The following AGMO variants were observed in gnomAD, a reference collection of about 807,000 sequenced individuals.
AGMO encodes the protein glyceryl-ether monooxygenase.
In AGMO, 75 loss-of-function variants were observed where a neutral mutation model predicts 60.2. The ratio of observed to expected loss-of-function variants is 1.25; its 90% CI spans 1.03 to 1.51. The LOEUF (loss-of-function observed/expected upper bound fraction) is 1.51, where lower values mean the gene tolerates loss of function less well. Ranked by LOEUF, AGMO falls within the 40% of genes most tolerant of loss-of-function variation. The pLI is 0.00. For missense variants in AGMO, 763 were observed against 525.5 expected (o/e 1.45, Z -4.42); for synonymous variants, 261 against 177.1 (o/e 1.47, Z -3.76).
chr7:15,305,678 A>G (rs1780593966), intron 12 of AGMO, among the ~76,000 whole-genome samples: 1 of 151,968 alleles, frequency 6.6e-6, no homozygotes, highest in African/African-American at 2.4e-5. Context: ...GAAGATCTGG[A>G]TTTTACTGTA....
At chr7:15,132,729 G>A in the AGMO span, among the ~76,000 whole-genome samples, 20 of 152,166 alleles carry the variant, frequency 1.3e-4, no homozygotes, top group Non-Finnish European at 1.5e-5. Context: ...TCAAGGCAGT[G>A]AAGACTGTAC....
At chr7:15,412,678 A>G (rs1780647183) in intron 5 of AGMO, among the ~76,000 whole-genome samples, 1 of 142,066 alleles carries the variant, frequency 7.0e-6, no homozygotes, top group African/African-American at 2.7e-5. Flanking sequence ...CCAGCATTTC[A>G]TTATTTAAAA....
intron 12 of AGMO, among the ~76,000 whole-genome samples, chr7:15,253,764 C>T (rs139351260): frequency 3.9e-5 from 6 of 152,258 alleles, no homozygotes; most frequent in African/African-American, 9.6e-5. Flanking sequence ...GCTATAGTCA[C>T]CCTACTGTGC....
intron 2 of AGMO, among the ~76,000 whole-genome samples, chr7:15,552,295 G>A (rs1376131502): frequency 2.0e-5 from 3 of 152,154 alleles, no homozygotes; most frequent in Admixed American, 6.5e-5. Context: ...AAAAGCATTG[G>A]CAACAAAAGC....
At chr7:15,452,722 C>G (rs1781887748) in intron 3 of AGMO, among the ~76,000 whole-genome samples, 1 of 152,108 alleles carries the variant, frequency 6.6e-6, no homozygotes, top group African/African-American at 2.4e-5. Context: ...TGCAATTCTG[C>G]TTTTAGGTAT....
chr7:15,448,865 C>G (rs193212541), intron 3 of AGMO, among the ~76,000 whole-genome samples: 270 of 151,762 alleles, frequency 1.8e-3, no homozygotes, highest in Non-Finnish European at 3.5e-3. Flanking sequence ...TGGGCAGGTA[C>G]CTGAGATTAT....
At chr7:15,280,786 C>T (rs972759817) in intron 12 of AGMO, among the ~76,000 whole-genome samples, 5 of 152,292 alleles carry the variant, frequency 3.3e-5, no homozygotes, top group Admixed American at 6.5e-5. Context: ...TGGCTAAATA[C>T]GTGGTCCTGA....
chr7:15,513,279 C>T (rs898847417), intron 3 of AGMO, among the ~76,000 whole-genome samples: 1 of 104,874 alleles, frequency 9.5e-6, no homozygotes, highest in East Asian at 3.4e-4. Context: ...TATCAGATAC[C>T]TATAGCACAA....
chr7:15,348,340 G>A (rs1782109033), intron 12 of AGMO, among the ~76,000 whole-genome samples: 1 of 152,088 alleles, frequency 6.6e-6, no homozygotes, highest in South Asian at 2.1e-4. Flanking sequence ...ATCCTGGCCG[G>A]AGATAAGCAA....
rs962923342 is a variant in AGMO at position 15,349,519 on chromosome 7, T to C, written c.1263+15995A>G. On this transcript the variant is annotated intron_variant, in intron 12 of 12. Coordinates refer to ENST00000342526, the MANE Select transcript of AGMO (RefSeq NM_001004320.2). ...TTTGTTTCTATGTTCTCAAACACCA[T>C]ATACCAAAAAATCTCATAGACCCAA... Among the ~76,000 whole-genome samples the C allele has an allele frequency of 2.0e-5, 3 of 152,138 alleles. No individual in the cohort carries two copies. In the East Asian group the frequency reaches 5.8e-4, roughly 29 times the overall value.
intron 3 of AGMO, among the ~76,000 whole-genome samples, chr7:15,436,161 A>G (rs954326551): frequency 3.3e-5 from 5 of 152,204 alleles, no homozygotes; most frequent in Admixed American, 1.3e-4. Context: ...ACTTTATGCA[A>G]CATTTAGCAT....
At chr7:15,554,813 T>G (rs2115305091) in intron 2 of AGMO, among the ~76,000 whole-genome samples, 1 of 152,140 alleles carries the variant, frequency 6.6e-6, no homozygotes, top group Admixed American at 6.5e-5. Context: ...TAGAAACTAA[T>G]TAGTTTTCAA....
At chr7:15,436,862 A>G (rs2128500189) in intron 3 of AGMO, among the ~76,000 whole-genome samples, 1 of 152,282 alleles carries the variant, frequency 6.6e-6, no homozygotes, top group South Asian at 2.1e-4. Context: ...AAAGAGCTCA[A>G]CACATGCTAT....
Position 15,542,938 on chromosome 7 carries a change from G to A in AGMO, c.409+1834C>T, listed in dbSNP as rs1386355921. Among the ~76,000 whole-genome samples, 3 of 152,086 alleles carry A rather than the reference G, an allele frequency of 2.0e-5. No individual in the cohort carries two copies. In the East Asian group the frequency reaches 5.8e-4, roughly 29 times the overall value. On this transcript the variant is annotated intron_variant, in intron 3 of 12. Transcript: ENST00000342526. ...TTCATTAAGTGCACATGTTTAAGGT[G>A]GTTAACATAAACGATGCTATATTTA...
chr7:15,350,767 C>A (rs1166490786), intron 12 of AGMO, among the ~76,000 whole-genome samples: 1 of 152,100 alleles, frequency 6.6e-6, no homozygotes, highest in African/African-American at 2.4e-5. Flanking sequence ...GAAGTAAATT[C>A]CAGAATATTG....
intron 5 of AGMO, among the ~76,000 whole-genome samples, chr7:15,397,259 C>A (rs1338179223): frequency 6.6e-6 from 1 of 152,048 alleles, no homozygotes; most frequent in South Asian, 2.1e-4. Flanking sequence ...GGTACCCAGA[C>A]CCTGATCAAG....
In AGMO at chr7:15,257,098, T is replaced by G. The variant is rs182410356; in HGVS notation, c.1264-55739A>C. Among the ~76,000 whole-genome samples the G allele has an allele frequency of 1.7e-3, 255 of 152,316 alleles. 1 individual carries two copies. Among genetic ancestry groups the G allele is most frequent in the Non-Finnish European group, 3.0e-3 (203 of 68,030 alleles). On this transcript the variant is annotated intron_variant, in intron 12 of 12. Transcript: ENST00000342526. ...GTTATTTTTGGCATATGTTTTTGTA[T>G]GCTGCGGTTTTAGTATAAATTTTAC...
rs114095070 is a variant in AGMO, at chr7:15,239,955, T to G, written c.1264-38596A>C. ...TATCCATGCATTTTGAAATTAGCAT[T>G]TTCCCTTGCAAATACCTTGTTGCTT... On this transcript the variant is annotated intron_variant, in intron 12 of 12. Coordinates refer to ENST00000342526, the MANE Select transcript of AGMO (RefSeq NM_001004320.2). Among the ~76,000 whole-genome samples the G allele has an allele frequency of 6.8e-3, 1,028 of 152,242 alleles. 18 individuals carry two copies. The highest frequency in any genetic ancestry group is 0.023 in the African/African-American group (961 of 41,536).
chr7:15,361,906 G>C (rs1264779836), intron 12 of AGMO, among the ~76,000 whole-genome samples: 2 of 152,126 alleles, frequency 1.3e-5, no homozygotes, highest in African/African-American at 2.4e-5. Context: ...ATAGAGAAGA[G>C]TCACAGGGTT....
Sources: gnomAD v4.1 joint callset for allele counts (sites outside exome capture counted in the v4.1 genomes callset) on GRCh38, gnomAD v4.1.1 for gene constraint, MANE v1.5 for transcripts, NCBI Gene and HGNC (gene_info 2026-07-23, HGNC 2026-07-21) for gene names.